The following ADARB2 variants were observed in gnomAD, a reference collection of about 807,000 sequenced individuals.
ADARB2 encodes adenosine deaminase RNA specific B2 (inactive), also known as inactive double-stranded RNA-specific editase B2.
In ADARB2, 25 loss-of-function variants were observed where a neutral mutation model predicts 62.2. The observed-to-expected ratio is 0.40, with a 90% CI of 0.29 to 0.56. The LOEUF is 0.56. Among genes scored for constraint, ADARB2 ranks in the 20% least tolerant of loss-of-function variants. The pLI, the probability that ADARB2 is intolerant of heterozygous loss-of-function variation, is 0.43. For missense variants in ADARB2, 1,071 were observed against 1,077.4 expected (o/e 0.99, Z 0.08); for synonymous variants, 572 against 500.8 (o/e 1.14, Z -1.90).
chr10:1,484,003 G>T (rs376048924), intron 1 of ADARB2, among the ~76,000 whole-genome samples: 1 of 152,124 alleles, frequency 6.6e-6, no homozygotes, highest in Non-Finnish European at 1.5e-5. Flanking sequence ...TATTGAATCT[G>T]TCTCTCCCCA....
intron 1 of ADARB2, among the ~76,000 whole-genome samples, chr10:1,468,263 G>A (rs1588269135): frequency 3.3e-5 from 5 of 152,300 alleles, no homozygotes; most frequent in Non-Finnish European, 7.4e-5. Context: ...CTTTGGGAGG[G>A]AGGCCCAGGG....
chr10:1,578,572 G>A (rs539005717), intron 1 of ADARB2, among the ~76,000 whole-genome samples: 70 of 152,010 alleles, frequency 4.6e-4, no homozygotes, highest in African/African-American at 1.5e-3. Context: ...AGGCTCCCCT[G>A]GCAGCCGTGG....
At chr10:1,360,731 C>T (rs777555713) in intron 3 of ADARB2, among the ~76,000 whole-genome samples, 32 of 152,218 alleles carry the variant, frequency 2.1e-4, no homozygotes, top group Non-Finnish European at 4.1e-4. Flanking sequence ...CCGAAACCCT[C>T]GCGCTGCTCT....
chr10:1,457,342 C>T (rs531724597), intron 1 of ADARB2, among the ~76,000 whole-genome samples: 26 of 152,218 alleles, frequency 1.7e-4, no homozygotes, highest in Admixed American at 3.9e-4. Context: ...AGGAGGGTTC[C>T]GAGTTCGCTG....
intron 1 of ADARB2, among the ~76,000 whole-genome samples, chr10:1,598,387 G>A (rs1833364833): frequency 6.6e-6 from 1 of 152,208 alleles, no homozygotes; most frequent in Non-Finnish European, 1.5e-5. Flanking sequence ...ATATATGCAT[G>A]GAAGAAATCT....
intron 1 of ADARB2, among the ~76,000 whole-genome samples, chr10:1,385,560 G>A (rs1488477571): frequency 6.6e-6 from 1 of 151,780 alleles, no homozygotes; most frequent in Non-Finnish European, 1.5e-5. Flanking sequence ...CAGTAAATTT[G>A]AAGGCAGATC....
At chr10:1,356,192 T>A (rs1223105065) in intron 3 of ADARB2, among the ~76,000 whole-genome samples, 1 of 152,202 alleles carries the variant, frequency 6.6e-6, no homozygotes, top group African/African-American at 2.4e-5. Context: ...GGACTGTTTT[T>A]CCTTCCCTAA....
At chr10:1,328,331 G>A (rs1055392385) in intron 3 of ADARB2, among the ~76,000 whole-genome samples, 5 of 152,172 alleles carry the variant, frequency 3.3e-5, no homozygotes, top group African/African-American at 1.2e-4. Flanking sequence ...AGGGTGGAAG[G>A]GATAGGACTG....
chr10:1,473,547 G>T (rs1027324417), intron 1 of ADARB2, among the ~76,000 whole-genome samples: 4 of 151,972 alleles, frequency 2.6e-5, no homozygotes, highest in African/African-American at 7.3e-5. Flanking sequence ...TTGGCTAATT[G>T]TTTTGGTATT....
intron 1 of ADARB2, among the ~76,000 whole-genome samples, chr10:1,482,220 T>C (rs926475203): frequency 6.6e-6 from 1 of 152,230 alleles, no homozygotes; most frequent in Admixed American, 6.5e-5. Context: ...ATTCCTAACT[T>C]GCACTTGTGG....
At chr10:1,294,191 C>T (rs549396029) in intron 3 of ADARB2, among the ~76,000 whole-genome samples, 1 of 152,218 alleles carries the variant, frequency 6.6e-6, no homozygotes, top group African/African-American at 2.4e-5. Context: ...GAGTGACTGC[C>T]GATAGAATCA....
chr10:1,716,680 C>T (rs1430349532), intron 1 of ADARB2, among the ~76,000 whole-genome samples: 1 of 151,566 alleles, frequency 6.6e-6, no homozygotes, highest in African/African-American at 2.4e-5. Flanking sequence ...ATACCCCAAA[C>T]TTTAAAAAAT....
chr10:1,339,490 C>T lies in ADARB2; in HGVS notation c.1077+23538G>A, dbSNP rs150806360. The stretch of plus-strand genomic sequence containing the variant: ...TTTTACTGTTTTCACTTTCATCTTG[C>T]CTCTCACATCCCTACGTTTGCTCTG... On this transcript the variant is annotated intron_variant, in intron 3 of 9. Transcript: ENST00000381312. 2.8e-3 allele frequency among the ~76,000 whole-genome samples: 429 copies of T among 152,314 alleles called. 4 individuals carry two copies. Among genetic ancestry groups the T allele is most frequent in the African/African-American group, 9.6e-3 (399 of 41,558 alleles).
At chr10:1,317,062 G>T (rs539051735) in intron 3 of ADARB2, among the ~76,000 whole-genome samples, 7 of 152,224 alleles carry the variant, frequency 4.6e-5, no homozygotes, top group African/African-American at 1.7e-4. Flanking sequence ...CACTGCCGTG[G>T]CAAAATAAAA....
At chr10:1,603,859 G>T (rs2132016511) in intron 1 of ADARB2, among the ~76,000 whole-genome samples, 1 of 152,194 alleles carries the variant, frequency 6.6e-6, no homozygotes, top group Non-Finnish European at 1.5e-5. Flanking sequence ...CTGTAATGCA[G>T]TGGTGTGATC....
chr10:1,714,819 C>T (rs1834995918), intron 1 of ADARB2, among the ~76,000 whole-genome samples: 1 of 152,196 alleles, frequency 6.6e-6, no homozygotes, highest in Non-Finnish European at 1.5e-5. Context: ...TACTCAAAAG[C>T]CAGATGCTTC....
At chr10:1,463,818 A>C (rs1332536831) in intron 1 of ADARB2, among the ~76,000 whole-genome samples, 1 of 151,968 alleles carries the variant, frequency 6.6e-6, no homozygotes, top group African/African-American at 2.4e-5. Flanking sequence ...TAGGGAAAGC[A>C]CTCTCAAAAT....
At chr10:1,715,900 G>T (rs1483622312) in intron 1 of ADARB2, among the ~76,000 whole-genome samples, 3 of 152,214 alleles carry the variant, frequency 2.0e-5, no homozygotes, top group Admixed American at 6.5e-5. Context: ...CAGCAGGGCT[G>T]CAGGGAATGC....
intron 1 of ADARB2, among the ~76,000 whole-genome samples, chr10:1,720,528 C>T (rs1257494894): frequency 6.6e-6 from 1 of 152,062 alleles, no homozygotes; most frequent in African/African-American, 2.4e-5. Context: ...TTGAGTATCC[C>T]CTGAATCTAA....
Sources: allele counts gnomAD v4.1 joint callset (sites outside exome capture counted in the v4.1 genomes callset), GRCh38; gene constraint gnomAD v4.1.1; transcripts MANE v1.5; gene names NCBI Gene and HGNC (gene_info 2026-07-23, HGNC 2026-07-21).